The following ETV3 variants were observed in gnomAD, a reference collection of about 807,000 sequenced individuals.
ETV3 encodes ETS variant transcription factor 3.
In ETV3, 8 loss-of-function variants were observed where a neutral mutation model predicts 33.0. That is an observed-to-expected ratio of 0.24 (90% CI 0.14 to 0.44). ETV3 has a LOEUF of 0.44. ETV3 is among the 20% of genes least tolerant of loss of function. The pLI is 1.00. For synonymous variants in ETV3, 222 were observed against 238.9 expected, an observed-to-expected ratio of 0.93 and a Z score of 0.65; for missense variants, 473 against 652.3, an observed-to-expected ratio of 0.73 and a Z score of 2.99.
intron 4 of ETV3, 143 bp downstream of exon 4, chr1:157,133,969 G>T: frequency 1.4e-6 from 2 of 1,455,790 alleles, no homozygotes; most frequent in South Asian, 2.9e-5. Context: ...GATGACTTGA[G>T]TAAGAACATT....
rs1161063602 is a variant in ETV3 at position 157,135,302 on chromosome 1, C to A, written c.284+169G>T. The A allele has an allele frequency of 5.2e-6, 4 of 774,934 alleles. No individual in the cohort carries two copies. In the African/African-American group the frequency reaches 7.0e-5, roughly 14 times the overall value. The allele number at this position is 774,934 out of a possible 1,614,324, so 48.0% of individuals were successfully genotyped here. A position where few individuals can be genotyped will look rare whatever the true frequency, so the allele number is the denominator to read the frequency against. ...AAGATATGCCTTTTCTCCTCCTGTGCCTATGCTACTCACATTCAACAGCTC... is the reference window on the plus strand; with the variant it reads ...AAGATATGCCTTTTCTCCTCCTGTGACTATGCTACTCACATTCAACAGCTC... On this transcript the variant is annotated intron_variant, in intron 3 of 4. Coordinates refer to ENST00000368192, the MANE Select transcript of ETV3 (RefSeq NM_001145312.3).
chr1:157,133,909 A>T (rs757088145), intron 4 of ETV3: 169 of 1,393,338 alleles, frequency 1.2e-4, no homozygotes, highest in Non-Finnish European at 1.4e-4. Flanking sequence ...CAAATAAACC[A>T]AAGAAATCTA....
intron 1 of ETV3, among the ~76,000 whole-genome samples, chr1:157,137,299 T>C (rs933198062): frequency 3.3e-5 from 5 of 152,036 alleles, no homozygotes; most frequent in Non-Finnish European, 7.4e-5. Flanking sequence ...AGCATCCACA[T>C]TAGCAGGCAT....
intron 2 of ETV3, among the ~76,000 whole-genome samples, 175 bp from the exon 3 acceptor site, chr1:157,135,883 C>A (rs958737175): frequency 5.9e-5 from 9 of 152,194 alleles, no homozygotes; most frequent in Admixed American, 2.6e-4. Flanking sequence ...GAGAAGTCAC[C>A]TATCCTTGTG....
intron 4 of ETV3, among the ~76,000 whole-genome samples, chr1:157,132,385 T>A (rs1469554754): frequency 6.6e-6 from 1 of 152,198 alleles, no homozygotes; most frequent in Admixed American, 6.5e-5. Context: ...AGGATCCAGG[T>A]TTCCTTGCCC....
At chr1:157,137,282 G>A (rs1409591414) in intron 1 of ETV3, among the ~76,000 whole-genome samples, 1 of 152,112 alleles carries the variant, frequency 6.6e-6, no homozygotes, top group African/African-American at 2.4e-5. Flanking sequence ...GTGGATGACA[G>A]GCCCTCAGCA....
Position 157,125,858 on chromosome 1 carries a change from T to C in ETV3, c.522A>G (p.Leu174=), listed in dbSNP as rs186167039. The C allele has an allele frequency of 5.2e-6, 8 of 1,551,598 alleles. No homozygotes were observed. The Admixed American group carries it at 5.9e-5, about 11-fold the overall frequency. The change falls in exon 5 of 5, where the codon CTA becomes CTG. Residue 174 remains leucine, a synonymous_variant. Transcript: ENST00000368192. This position sits in a 1 kb window ranked among gnomAD's most constrained non-coding sequence, Gnocchi z 4.0. ...VQPGRFSASS[L]TASGQESSNG... ...TACTGGACTCCTGGCCAGAAGCAGT[T>C]AGGGAGCTAGCAGAGAACCGTCCCG...
rs532298512 is a variant in ETV3, at chr1:157,121,511, A to C, written c.*3330T>G. On this transcript the variant is annotated 3_prime_UTR_variant, in exon 5 of 5. Transcript: ENST00000368192. ...AAATGTCTCATTCACAAATCCCTGC[A>C]TCACAATTCTATAACTCAAAGAATG... 6.6e-6 allele frequency: 1 copy of C among 152,364 alleles called. No individual in the cohort carries two copies. Among genetic ancestry groups the C allele is most frequent in the Non-Finnish European group, 1.5e-5 (1 of 68,024 alleles). The allele number at this position is 152,364 out of a possible 1,614,324, so 9.4% of individuals were successfully genotyped here.
At chr1:157,130,370 T>C (rs1674940548) in intron 4 of ETV3, among the ~76,000 whole-genome samples, 2 of 152,132 alleles carry the variant, frequency 1.3e-5, no homozygotes, top group African/African-American at 4.8e-5. Context: ...TGTTGAGATA[T>C]CAAACCTAAG....
intron 1 of ETV3, among the ~76,000 whole-genome samples, chr1:157,136,964 CATATGT>C (rs1183564229): frequency 6.6e-6 from 1 of 152,188 alleles, no homozygotes; most frequent in Admixed American, 6.5e-5. Context: ...GTAAACACAC[CATATGT>C]ACATTTACTC....
intron 4 of ETV3, chr1:157,133,743 A>G: frequency 9.9e-7 from 1 of 1,014,362 alleles, no homozygotes; most frequent in Non-Finnish European, 1.2e-6. Flanking sequence ...GTGTTTGTAG[A>G]AACAGGTTCC....
At chr1:157,135,909 G>C (rs1675098006) in intron 2 of ETV3, among the ~76,000 whole-genome samples, 1 of 152,184 alleles carries the variant, frequency 6.6e-6, no homozygotes, top group African/African-American at 2.4e-5. Context: ...CATTAAATCT[G>C]ATAAGAGTTG....
rs1302711208 is a variant in ETV3 at position 157,125,513 on chromosome 1, G to C, written c.867C>G (p.Ser289Arg). Residue 289 changes from serine (S) to arginine (R), a missense_variant, in exon 5 of 5, where the codon AGC becomes AGG. Coordinates refer to ENST00000368192, the MANE Select transcript of ETV3 (RefSeq NM_001145312.3). The surrounding 1 kb of genome is among the most constrained non-coding windows in gnomAD (Gnocchi z 4.0). ...SPGLSPFTSS[S>R]CFSFNPEEMK... ...TTTCCTCAGGGTTGAAGGAGAAGCA[G>C]CTGCTGCTGGTGAAAGGGCTCAGGC... The C allele has an allele frequency of 1.3e-6, 2 of 1,552,182 alleles. No homozygotes were observed. Among genetic ancestry groups the C allele is most frequent in the Non-Finnish European group, 8.7e-7 (1 of 1,147,096 alleles).
intron 4 of ETV3, among the ~76,000 whole-genome samples, chr1:157,127,389 T>C (rs1163955760): frequency 6.6e-6 from 1 of 152,228 alleles, no homozygotes; most frequent in East Asian, 1.9e-4. Flanking sequence ...TATATTCCTC[T>C]AACAAATTCT....
In ETV3 at chr1:157,121,466, T is replaced by G. The variant is rs1426855430; in HGVS notation, c.*3375A>C. The G allele has an allele frequency of 2.0e-5, 3 of 152,198 alleles. No homozygotes were observed. The highest frequency in any genetic ancestry group is 4.4e-5 in the Non-Finnish European group (3 of 68,040). 9.4% of individuals were successfully genotyped at this position (152,198 alleles called of 1,614,324 possible). On this transcript the variant is annotated 3_prime_UTR_variant, in exon 5 of 5. Coordinates refer to ENST00000368192, the MANE Select transcript of ETV3 (RefSeq NM_001145312.3). ...TTACTCTGCTCAAGCAGGTAACTAG[T>G]GAAGTCACCTTTCACATGTAAATGT...
rs12030487 is a variant in ETV3, at chr1:157,131,453, C to T, written c.400+2659G>A. ...ATCACATTTCACATTGTATTAAACCCGGCATATCTTATCTCTCCTGCTAAA... is the reference window on the plus strand; with the variant it reads ...ATCACATTTCACATTGTATTAAACCTGGCATATCTTATCTCTCCTGCTAAA... On this transcript the variant is annotated intron_variant, in intron 4 of 4. Transcript: ENST00000368192. Among the ~76,000 whole-genome samples, 426 of 152,248 alleles carry T rather than the reference C, an allele frequency of 2.8e-3. 9 individuals carry two copies. The East Asian group carries it at 0.055, about 20-fold the overall frequency.
At chr1:157,137,102 G>C (rs1675130343) in intron 1 of ETV3, among the ~76,000 whole-genome samples, 2 of 152,188 alleles carry the variant, frequency 1.3e-5, no homozygotes, top group Admixed American at 1.3e-4. Flanking sequence ...TGAGTGGAAG[G>C]AGTCTTGCTG....
chr1:157,125,388 T>C lies in ETV3; in HGVS notation c.992A>G (p.Gln331Arg). The change falls in exon 5 of 5, where the codon CAG becomes CGG. Residue 331 changes from glutamine to arginine, a missense_variant. Gln to Arg is a conservative substitution (Grantham distance 43). This residue lies in a region of ETV3 where 410 missense variants were observed against 520.2 expected (regional missense o/e 0.79). Coordinates refer to ENST00000368192, the MANE Select transcript of ETV3 (RefSeq NM_001145312.3). This position sits in a 1 kb window ranked among gnomAD's most constrained non-coding sequence, Gnocchi z 4.0. ...TGACTCCTCAGGATGCATTTGGCACTGCAGTGGTGGAACCATGAGCCCTGG... is the reference window on the plus strand; with the variant it reads ...TGACTCCTCAGGATGCATTTGGCACCGCAGTGGTGGAACCATGAGCCCTGG... Reference protein sequence around the residue: ...RYPGLMVPPLQCQMHPEESTQ... With the variant: ...RYPGLMVPPLRCQMHPEESTQ... The C allele has an allele frequency of 6.4e-7, 1 of 1,552,100 alleles. No homozygotes were observed. The highest frequency in any genetic ancestry group is 1.4e-5 in the African/African-American group (1 of 73,178).
chr1:157,129,735 T>G (rs1674926252), intron 4 of ETV3, among the ~76,000 whole-genome samples: 2 of 152,180 alleles, frequency 1.3e-5, no homozygotes, highest in South Asian at 4.1e-4. Context: ...TAAGAGTACA[T>G]CTACTCAAAA....
Sources: allele counts gnomAD v4.1 joint callset (sites outside exome capture counted in the v4.1 genomes callset), GRCh38; gene constraint gnomAD v4.1.1; regional missense constraint gnomAD v4.1.1; non-coding constraint Gnocchi (gnomAD v3.1); transcripts MANE v1.5; gene names NCBI Gene and HGNC (gene_info 2026-07-23, HGNC 2026-07-21).